The following TMEM63A variants were observed in gnomAD, a reference collection of about 807,000 sequenced individuals.
TMEM63A encodes mechanosensitive cation channel TMEM63A.
In TMEM63A, 76 loss-of-function variants were observed where a neutral mutation model predicts 100.6. That is an observed-to-expected ratio of 0.76 (90% CI 0.63 to 0.91). The LOEUF (loss-of-function observed/expected upper bound fraction) is 0.91. Among genes scored for constraint, TMEM63A ranks in the 40% least tolerant of loss-of-function variants. TMEM63A has a pLI of 0.00. For synonymous variants in TMEM63A, 401 were observed against 401.1 expected, an observed-to-expected ratio of 1.00 and a Z score of 0.00; for missense variants, 876 against 1,008.8, an observed-to-expected ratio of 0.87 and a Z score of 1.78.
chr1:225,840,859 T>C (rs1296312425), downstream of TMEM63A: 1 of 152,296 alleles, frequency 6.6e-6, no homozygotes, highest in Admixed American at 6.5e-5. Flanking sequence ...GGCAAACCCA[T>C]GCCCACACAC....
intron 6 of TMEM63A, 84 bp from the exon 7 acceptor site, chr1:225,868,114 C>A: frequency 6.5e-7 from 1 of 1,531,652 alleles, no homozygotes; most frequent in South Asian, 1.2e-5. Context: ...ATCCTCACCA[C>A]ACTCTTATGA....
chr1:225,862,933 G>T lies in TMEM63A; in HGVS notation c.747-82C>A. 7.7e-7 allele frequency: 1 copy of T among 1,291,894 alleles called. No individual in the cohort carries two copies. The highest frequency in any genetic ancestry group is 1.3e-5 in the South Asian group (1 of 79,636). 80.0% of individuals were successfully genotyped at this position (1,291,894 alleles called of 1,614,324 possible). A position where few individuals can be genotyped will look rare whatever the true frequency, so the allele number is the denominator to read the frequency against. On this transcript the variant is annotated intron_variant, in intron 10 of 24. Transcript: ENST00000366835. The surrounding 1 kb of genome is among the most constrained non-coding windows in gnomAD (Gnocchi z 5.1). ...GCAGGAGACGTGCCCACGGATCCAA[G>T]GGAAAGGATGGCAGAGTGATCTCGC...
rs777732423 is a variant in TMEM63A, at chr1:225,874,371, A to C, written c.187-4T>G. 27 of 1,612,204 alleles carry C rather than the reference A, an allele frequency of 1.7e-5. No individual in the cohort carries two copies. In the South Asian group the frequency reaches 3.0e-4, roughly 18 times the overall value. On this transcript the variant is annotated splice_polypyrimidine_tract_variant and splice_region_variant and intron_variant, in intron 3 of 24. Coordinates refer to ENST00000366835, the MANE Select transcript of TMEM63A (RefSeq NM_014698.3). The stretch of plus-strand genomic sequence containing the variant: ...TAGAAAACACCAAGATTAAGAACTA[A>C]AAACAGAAAAGAAACCAAGTAAAAG...
In TMEM63A at chr1:225,848,474, C is replaced by T; in HGVS notation, c.2250+18G>A. 1 of 1,613,754 alleles carries T rather than the reference C, an allele frequency of 6.2e-7. No homozygotes were observed. Among genetic ancestry groups the T allele is most frequent in the Non-Finnish European group, 8.5e-7 (1 of 1,179,916 alleles). On this transcript the variant is annotated intron_variant, in intron 23 of 24. Coordinates refer to ENST00000366835, the MANE Select transcript of TMEM63A (RefSeq NM_014698.3). ...AAAAAAAGGGCGACAAGCTCAGAGG[C>T]TGAGGGGCACAGCTTACTGTGAACG...
At chr1:225,845,505 A>AC, downstream of TMEM63A, 1 of 672,366 alleles carries the variant, frequency 1.5e-6, no homozygotes, top group African/African-American at 1.8e-5. Context: ...TCACTCCCCA[A>AC]CCCCCAACTC....
At chr1:225,842,473 A>C, downstream of TMEM63A, 1 of 1,608,796 alleles carries the variant, frequency 6.2e-7, no homozygotes, top group Non-Finnish European at 8.5e-7. Flanking sequence ...AGGCCTGGAA[A>C]GGTGAGGCCC....
chr1:225,844,727 C>T (rs1184995700), downstream of TMEM63A: 8 of 1,543,202 alleles, frequency 5.2e-6, no homozygotes, highest in East Asian at 1.9e-4. Context: ...TAAGTATAGC[C>T]TTGCCTGCAG....
At chr1:225,852,817 A>G in intron 19 of TMEM63A, 48 bp from the exon 20 acceptor site, 3 of 1,550,606 alleles carry the variant, frequency 1.9e-6, no homozygotes, top group Non-Finnish European at 2.7e-6. Context: ...TCCACCTCAA[A>G]CACCCTTTTG....
chr1:225,878,885 T>TACCTACCTACACAC (rs1491107467), intron 2 of TMEM63A, among the ~76,000 whole-genome samples: 5 of 139,592 alleles, frequency 3.6e-5, no homozygotes, highest in African/African-American at 1.4e-4. Flanking sequence ...CCTACCTACC[T>TACCTACCTACACAC]ACACACACAC....
In TMEM63A at chr1:225,874,429, C is replaced by T. The variant is rs376823954; in HGVS notation, c.187-62G>A. 110 of 1,476,378 alleles carry T rather than the reference C, an allele frequency of 7.5e-5. 2 individuals carry two copies. Among genetic ancestry groups the T allele is most frequent in the East Asian group, 4.8e-4 (21 of 44,152 alleles). The allele number at this position is 1,476,378 out of a possible 1,614,324, so 91.5% of individuals were successfully genotyped here. A position where few individuals can be genotyped will look rare whatever the true frequency, so the allele number is the denominator to read the frequency against. ...GATGGCTTCTCATTAGAAGACACAG[C>T]GGTCTCAGGGGTAAAGCCCACCTGC... On this transcript the variant is annotated intron_variant, in intron 3 of 24. Coordinates refer to ENST00000366835, the MANE Select transcript of TMEM63A (RefSeq NM_014698.3).
chr1:225,867,789 G>A lies in TMEM63A; in HGVS notation c.514+99C>T. The A allele has an allele frequency of 6.8e-7, 1 of 1,464,822 alleles. No individual in the cohort carries two copies. The highest frequency in any genetic ancestry group is 2.4e-5 in the East Asian group (1 of 42,446). 90.7% of individuals were successfully genotyped at this position (1,464,822 alleles called of 1,614,324 possible). ...GAGACCATCTTACATCTGAAGTGGG[G>A]CATGACTCCTGGGGTTCTGGTCTAC... is the stretch of plus-strand genomic sequence containing the variant. On this transcript the variant is annotated intron_variant, in intron 7 of 24. Transcript: ENST00000366835. This position sits in a 1 kb window ranked among gnomAD's most constrained non-coding sequence, Gnocchi z 4.6.
intron 4 of TMEM63A, among the ~76,000 whole-genome samples, chr1:225,873,998 G>A (rs1048448969): frequency 1.1e-4 from 17 of 152,274 alleles, no homozygotes; most frequent in African/African-American, 3.8e-4. Flanking sequence ...TTTGTTTTGT[G>A]AGCACAATGA....
intron 22 of TMEM63A, 124 bp downstream of exon 22, chr1:225,848,773 G>T: frequency 1.1e-6 from 1 of 912,538 alleles, no homozygotes; most frequent in Non-Finnish European, 1.7e-6. Flanking sequence ...CCATGGAGAA[G>T]CAGAATCTGG....
intron 22 of TMEM63A, 64 bp downstream of exon 22, chr1:225,848,833 C>G (rs571053873): frequency 1.5e-6 from 2 of 1,322,730 alleles, no homozygotes; most frequent in Non-Finnish European, 2.1e-6. Context: ...GGGTTGACAG[C>G]GAGCCCGTCC....
intron 4 of TMEM63A, among the ~76,000 whole-genome samples, chr1:225,872,686 CTTCTTT>C (rs1213285835): frequency 2.7e-5 from 3 of 112,628 alleles, no homozygotes; most frequent in Admixed American, 1.2e-4. Context: ...GACTGCTTTT[CTTCTTT>C]TTTTTTTTTT....
chr1:225,857,043 G>C (rs767481138), intron 15 of TMEM63A, 26 bp from the exon 16 acceptor site: 19 of 1,546,652 alleles, frequency 1.2e-5, no homozygotes, highest in Admixed American at 9.1e-5. Context: ...ACAGCAGAGA[G>C]AGTCACAGGG....
At position 225,859,350 on chromosome 1, in the gene TMEM63A, C is replaced by T. The variant is rs1196935902; in HGVS notation, c.1224-1G>A. 1 of 1,613,718 alleles carries T rather than the reference C, an allele frequency of 6.2e-7. No homozygotes were observed. The highest frequency in any genetic ancestry group is 2.2e-5 in the East Asian group (1 of 44,872). ...GAGGCCCTGGATAGAGAGGTTCTTCCTGCAGCGGGAGAGGGGATACAGGTC... is the reference window on the plus strand; with the variant it reads ...GAGGCCCTGGATAGAGAGGTTCTTCTTGCAGCGGGAGAGGGGATACAGGTC... On this transcript the variant is annotated splice_acceptor_variant, in intron 14 of 24. Transcript: ENST00000366835. LOFTEE classifies it high-confidence loss of function.
chr1:225,858,333 T>TG (rs1669749944), intron 15 of TMEM63A, among the ~76,000 whole-genome samples: 1 of 149,440 alleles, frequency 6.7e-6, no homozygotes, highest in Admixed American at 6.6e-5. Context: ...TTTTTTTTTT[T>TG]TTTTTTTTTG....
chr1:225,858,948 A>ATGTG (rs57543496), intron 15 of TMEM63A, among the ~76,000 whole-genome samples: 137 of 139,752 alleles, frequency 9.8e-4, no homozygotes, highest in African/African-American at 2.3e-3. Flanking sequence ...TATACATATA[A>ATGTG]TGTGTGTGTG....
Sources: gnomAD v4.1 joint callset for allele counts (sites outside exome capture counted in the v4.1 genomes callset) on GRCh38, gnomAD v4.1.1 for gene constraint, Gnocchi (gnomAD v3.1) non-coding constraint, MANE v1.5 for transcripts, NCBI Gene and HGNC (gene_info 2026-07-23, HGNC 2026-07-21) for gene names.